RP1L1: variants seen among roughly 807,000 people sequenced by gnomAD.
RP1L1 encodes retinitis pigmentosa 1-like 1 protein.
Under a neutral mutation model 15.7 loss-of-function variants are expected in RP1L1, and 27 were observed. That is an observed-to-expected ratio of 1.72 (90% CI 1.27 to 2.38). The LOEUF (loss-of-function observed/expected upper bound fraction) is 2.38. RP1L1 is among the 30% of genes most tolerant of loss of function. The pLI is 0.00. For missense variants in RP1L1, 4,798 were observed against 3,075.9 expected (o/e 1.56, Z -13.24); for synonymous variants, 1,813 against 1,276.7 (o/e 1.42, Z -8.96).
Position 10,621,522 on chromosome 8 carries a change from C to T in RP1L1, c.609+1071G>A, listed in dbSNP as rs576382677. 60 of 347,640 alleles carry T rather than the reference C, an allele frequency of 1.7e-4. 2 individuals carry two copies. The highest frequency in any genetic ancestry group is 1.1e-3 in the Admixed American group (29 of 25,788). 21.5% of individuals were successfully genotyped at this position (347,640 alleles called of 1,614,324 possible). A position where few individuals can be genotyped will look rare whatever the true frequency, so the allele number is the denominator to read the frequency against. On this transcript the variant is annotated intron_variant, in intron 2 of 3. Coordinates refer to ENST00000382483, the MANE Select transcript of RP1L1 (RefSeq NM_178857.6). Reference sequence around the variant, plus strand: ...TGTATTTTTAGTAGATATAGGGTTTCGCCCTATTGGCCAGGCTGATCTCGA... The same window carrying T: ...TGTATTTTTAGTAGATATAGGGTTTTGCCCTATTGGCCAGGCTGATCTCGA...
chr8:10,622,780 G>T lies in RP1L1; in HGVS notation c.422C>A (p.Thr141Asn). Residue 141 changes from threonine to asparagine, a missense_variant, in exon 2 of 4, where the codon ACC becomes AAC. By Grantham distance (65) the Thr-to-Asn change is moderately conservative. Transcript: ENST00000382483. ...DVEGQREAPG[T>N]SSSRKSLKTP... ...TTTAAGACTCTTCCGGGAGGAGGAG[G>T]TGCCTGGGGCTTCACGCTGGCCTTC... is the stretch of plus-strand genomic sequence containing the variant. The T allele has an allele frequency of 1.2e-6, 2 of 1,613,918 alleles. No individual in the cohort carries two copies. The highest frequency in any genetic ancestry group is 1.7e-5 in the Admixed American group (1 of 59,992).
intron 1 of RP1L1, among the ~76,000 whole-genome samples, chr8:10,635,303 AG>A (rs1798312847): frequency 1.3e-5 from 1 of 79,256 alleles, no homozygotes; most frequent in Admixed American, 9.8e-5. Context: ...CTTCTCTAAG[AG>A]GGGACCCTTC....
At chr8:10,635,913 A>G (rs985096280) in intron 1 of RP1L1, among the ~76,000 whole-genome samples, 5 of 152,226 alleles carry the variant, frequency 3.3e-5, no homozygotes, top group African/African-American at 1.2e-4. Context: ...GGGTCAGTCT[A>G]TAGCACCAAC....
Position 10,611,580 on chromosome 8 carries a change from C to T in RP1L1, c.2518G>A (p.Gly840Arg). The change falls in exon 4 of 4, where the codon GGA becomes AGA. Residue 840 changes from glycine (G) to arginine (R), a missense_variant. By Grantham distance (125) the Gly-to-Arg change is moderately radical (BLOSUM62 -2). Coordinates refer to ENST00000382483, the MANE Select transcript of RP1L1 (RefSeq NM_178857.6). ...AGCCAGCTAGCCTCAGGGGAGGGTC[C>T]CCGCTGGGCCTCTTGGGCCGGCTGC... ...GTQPAQEAQRGPSPEASWLCG... is the reference protein window; with the variant it reads ...GTQPAQEAQRRPSPEASWLCG... 1.2e-6 allele frequency: 2 copies of T among 1,609,196 alleles called. No homozygotes were observed. The highest frequency in any genetic ancestry group is 1.7e-6 in the Non-Finnish European group (2 of 1,178,176).
chr8:10,634,593 A>C (rs1297778140), intron 1 of RP1L1, among the ~76,000 whole-genome samples: 1 of 152,190 alleles, frequency 6.6e-6, no homozygotes, highest in Non-Finnish European at 1.5e-5. Context: ...TTGTTGAGGC[A>C]CTGCCTACTG....
At position 10,611,236 on chromosome 8, in the gene RP1L1, C is replaced by A. The variant is rs886334416; in HGVS notation, c.2862G>T (p.Glu954Asp). The change falls in exon 4 of 4, where the codon GAG becomes GAT. Residue 954 changes from glutamate to aspartate, a missense_variant. Physicochemically the swap from Glu to Asp is conservative, Grantham distance 45. Transcript: ENST00000382483. Reference sequence around the variant, plus strand: ...TGTCCAGCCATTCGCGGACCACAGCCTCTGGAGACGAGCGGGGCAGAGAGC... The same window carrying A: ...TGTCCAGCCATTCGCGGACCACAGCATCTGGAGACGAGCGGGGCAGAGAGC... Reference protein sequence around the residue: ...SPSSLPRSSPEAVVREWLDNI... With the variant: ...SPSSLPRSSPDAVVREWLDNI... 3 of 1,612,988 alleles carry A rather than the reference C, an allele frequency of 1.9e-6. No individual in the cohort carries two copies. Among genetic ancestry groups the A allele is most frequent in the African/African-American group, 1.3e-5 (1 of 74,940 alleles).
chr8:10,655,127 A>C lies in RP1L1; in HGVS notation c.-249T>G, dbSNP rs1798620314. On this transcript the variant is annotated 5_prime_UTR_variant, in exon 1 of 4. Transcript: ENST00000382483. ...CAGGAGCCCAGCCTCCTGAGCTCCA[A>C]CAGATGGTCCATTTGCACAGAGACC... 6.5e-6 allele frequency: 1 copy of C among 152,672 alleles called. No homozygotes were observed. The allele number at this position is 152,672 out of a possible 1,614,324, so 9.5% of individuals were successfully genotyped here.
In RP1L1 at chr8:10,623,197, T is replaced by C. The variant is rs771680237; in HGVS notation, c.5A>G (p.Asn2Ser). The C allele has an allele frequency of 3.2e-6, 5 of 1,557,468 alleles. No individual in the cohort carries two copies. Among genetic ancestry groups the C allele is most frequent in the Non-Finnish European group, 4.3e-6 (5 of 1,151,744 alleles). Residue 2 changes from asparagine to serine, a missense_variant, in exon 2 of 4, where the codon AAC becomes AGC. Coordinates refer to ENST00000382483, the MANE Select transcript of RP1L1 (RefSeq NM_178857.6). ...GGCCTGGGCATTCCTGGGGGTGCTGTTCATGGTGTGGGGGCTCTGGCCGCT... is the reference window on the plus strand; with the variant it reads ...GGCCTGGGCATTCCTGGGGGTGCTGCTCATGGTGTGGGGGCTCTGGCCGCT... M[N>S]STPRNAQAPS... is the part of the protein sequence containing the mutation.
chr8:10,618,636 G>T (rs1454785154), intron 2 of RP1L1, among the ~76,000 whole-genome samples: 1 of 152,158 alleles, frequency 6.6e-6, no homozygotes, highest in Non-Finnish European at 1.5e-5. Context: ...AGGCTGCAAT[G>T]AGCTGAGATT....
rs1797782151 is a variant in RP1L1, at chr8:10,609,392, T to C, written c.4706A>G (p.Gln1569Arg). 1.2e-6 allele frequency: 2 copies of C among 1,612,306 alleles called. No homozygotes were observed. Among genetic ancestry groups the C allele is most frequent in the South Asian group, 2.2e-5 (2 of 91,058 alleles). ...ELQQDVAQRL[Q>R]DSTKRELQKL... The stretch of plus-strand genomic sequence containing the variant: ...CTGGAGCTCTCTCTTGGTGCTGTCC[T>C]GGAGGCGTTGGGCCACGTCCTGCTG... The change falls in exon 4 of 4, where the codon CAG (glutamine) becomes CGG (arginine). Residue 1569 changes from glutamine (Q) to arginine (R), a missense_variant. Gln to Arg is a conservative substitution (Grantham distance 43, BLOSUM62 1). Transcript: ENST00000382483.
chr8:10,614,658 C>A (rs564113557), intron 3 of RP1L1, among the ~76,000 whole-genome samples: 1 of 93,306 alleles, frequency 1.1e-5, no homozygotes, highest in Non-Finnish European at 2.0e-5. Context: ...AAGATTCTGT[C>A]GTCAAAAAAA....
Position 10,609,239 on chromosome 8 carries a change from G to A in RP1L1, c.4859C>T (p.Ser1620Phe). ...LRGLRNLSAF[S>F]ERTLGLGPLS... The stretch of plus-strand genomic sequence containing the variant: ...GGGCCCCAGGCCCAGGGTCCGCTCA[G>A]AGAAGGCCGAGAGGTTTCGCAGGCC... Residue 1620 changes from serine to phenylalanine, a missense_variant, in exon 4 of 4, where the codon TCT (serine) becomes TTT (phenylalanine). By Grantham distance (155) the Ser-to-Phe change is radical. Coordinates refer to ENST00000382483, the MANE Select transcript of RP1L1 (RefSeq NM_178857.6). 1 of 1,609,106 alleles carries A rather than the reference G, an allele frequency of 6.2e-7. No individual in the cohort carries two copies. Among genetic ancestry groups the A allele is most frequent in the Non-Finnish European group, 8.5e-7 (1 of 1,179,802 alleles).
Position 10,612,682 on chromosome 8 carries a change from G to T in RP1L1, c.1416C>A (p.Cys472Ter). Residue 472 changes from cysteine to a stop codon, truncating the protein, a stop_gained, in exon 4 of 4, where the codon TGC becomes TGA. Coordinates refer to ENST00000382483, the MANE Select transcript of RP1L1 (RefSeq NM_178857.6). LOFTEE classifies it low-confidence loss of function (END_TRUNC). ...PEGSEPESSC[C>*]PRTPEDGVDS... ...CCACCCCGTCCTCCGGGGTCCTGGG[G>T]CAGCAGGAGGACTCTGGCTCCGAGC... 3 of 1,602,768 alleles carry T rather than the reference G, an allele frequency of 1.9e-6. No individual in the cohort carries two copies. The highest frequency in any genetic ancestry group is 2.5e-6 in the Non-Finnish European group (3 of 1,178,118).
intron 2 of RP1L1, 75 bp from the exon 3 acceptor site, chr8:10,616,662 G>T (rs1244508323): frequency 6.7e-7 from 1 of 1,498,160 alleles, no homozygotes; most frequent in Non-Finnish European, 8.9e-7. Flanking sequence ...GGGGAGGAAG[G>T]ATCCAGTCTC....
chr8:10,650,518 G>T (rs968426178), intron 1 of RP1L1, among the ~76,000 whole-genome samples: 1 of 151,844 alleles, frequency 6.6e-6, no homozygotes, highest in Non-Finnish European at 1.5e-5. Context: ...AGAAACTGAG[G>T]CTCAGGGAAG....
rs187140236 is a variant in RP1L1, at chr8:10,622,715, G to C, written c.487C>G (p.Arg163Gly). Residue 163 changes from arginine (R) to glycine (G), a missense_variant, in exon 2 of 4, where the codon CGC (arginine) becomes GGC (glycine). Coordinates refer to ENST00000382483, the MANE Select transcript of RP1L1 (RefSeq NM_178857.6). The part of the protein sequence containing the change: ...RILLIKNMDP[R>G]LQQTVVLSHR... ...CTGAGAACCACTGTCTGCTGGAGGC[G>C]AGGGTCCATGTTCTTAATCAGCAGT... 4.1e-4 allele frequency: 662 copies of C among 1,614,152 alleles called. No individual in the cohort carries two copies. The highest frequency in any genetic ancestry group is 5.3e-4 in the Non-Finnish European group (620 of 1,180,032).
intron 1 of RP1L1, among the ~76,000 whole-genome samples, chr8:10,637,404 A>G (rs763656689): frequency 8.5e-5 from 13 of 152,134 alleles, no homozygotes; most frequent in Non-Finnish European, 1.8e-4. Flanking sequence ...GGGGCCAGAA[A>G]ACTCCTCTAA....
rs143339562 is a variant in RP1L1, at chr8:10,629,005, G to C, written c.-19-5785C>G. 2.2e-3 allele frequency among the ~76,000 whole-genome samples: 342 copies of C among 152,342 alleles called. 3 individuals carry two copies. The highest frequency in any genetic ancestry group is 0.01 in the Middle Eastern group (3 of 294). On this transcript the variant is annotated intron_variant, in intron 1 of 3. Transcript: ENST00000382483. ...CCCTTGAAGGCAGGAAGTGGGTCTGGTGCACCTCTGGCCCTGTGCTCGGCA... is the reference window on the plus strand; with the variant it reads ...CCCTTGAAGGCAGGAAGTGGGTCTGCTGCACCTCTGGCCCTGTGCTCGGCA...
chr8:10,637,516 C>T (rs1212934048), intron 1 of RP1L1, among the ~76,000 whole-genome samples: 2 of 152,054 alleles, frequency 1.3e-5, no homozygotes, highest in South Asian at 2.1e-4. Flanking sequence ...GAGGCTGAGG[C>T]GGGAGGATCA....
Sources: gnomAD v4.1 joint callset for allele counts (sites outside exome capture counted in the v4.1 genomes callset) on GRCh38, gnomAD v4.1.1 for gene constraint, MANE v1.5 for transcripts, NCBI Gene and HGNC (gene_info 2026-07-23, HGNC 2026-07-21) for gene names.